ZSWIM6: variants seen among roughly 807,000 people sequenced by gnomAD.
ZSWIM6 encodes zinc finger SWIM domain-containing protein 6.
ZSWIM6 carries 9 observed loss-of-function variants against 113.2 expected under a neutral mutation model. The observed-to-expected ratio is 0.08, with a 90% confidence interval of 0.05 to 0.14. The LOEUF (loss-of-function observed/expected upper bound fraction) is 0.14. Among genes scored for constraint, ZSWIM6 ranks in the 10% least tolerant of loss-of-function variants. ZSWIM6 has a pLI of 1.00. For missense variants in ZSWIM6, 1,162 were observed against 1,552.2 expected, an observed-to-expected ratio of 0.75 and a Z score of 4.22; for synonymous variants, 611 against 606.5, an observed-to-expected ratio of 1.01 and a Z score of -0.11.
chr5:61,372,563 A>G (rs1745288171), intron 1 of ZSWIM6, among the ~76,000 whole-genome samples: 2 of 152,126 alleles, frequency 1.3e-5, no homozygotes, highest in African/African-American at 4.8e-5. Flanking sequence ...TGGTAACTCC[A>G]GTCTTAGTTA....
rs1414237547 is a variant in ZSWIM6 at position 61,544,456 on chromosome 5, G to A, written c.*139G>A. ...TGTGTATAGTTATATTGCGTTTGCA[G>A]ACTAAATTGTCATGTTGTGAAAGTT... On this transcript the variant is annotated 3_prime_UTR_variant, in exon 14 of 14. Coordinates refer to ENST00000252744, the MANE Select transcript of ZSWIM6 (RefSeq NM_020928.2). The A allele has an allele frequency of 2.3e-6, 1 of 442,968 alleles. No individual in the cohort carries two copies. Among genetic ancestry groups the A allele is most frequent in the South Asian group, 7.6e-5 (1 of 13,178 alleles). The allele number at this position is 442,968 out of a possible 1,614,324, so 27.4% of individuals were successfully genotyped here.
rs1747605011 is a variant in ZSWIM6 at position 61,472,765 on chromosome 5, G to A, written c.761G>A (p.Arg254His). ...TVCNVAISFD[R>H]CKITSVTCSC... ...TGCAACGTGGCCATCAGCTTTGATC[G>A]TTGCAAGATTACCTCAGTGACCTGC... Residue 254 changes from arginine (R) to histidine (H), a missense_variant, in exon 2 of 14, where the codon CGT (arginine) becomes CAT (histidine). Physicochemically the swap from Arg to His is conservative, Grantham distance 29. Transcript: ENST00000252744. This position sits in a 1 kb window ranked among gnomAD's most constrained non-coding sequence, Gnocchi z 4.1. 6.4e-7 allele frequency: 1 copy of A among 1,551,500 alleles called. No individual in the cohort carries two copies.
At chr5:61,394,294 G>T (rs1745793267) in intron 1 of ZSWIM6, among the ~76,000 whole-genome samples, 1 of 152,214 alleles carries the variant, frequency 6.6e-6, no homozygotes, top group African/African-American at 2.4e-5. Flanking sequence ...TCCTTTTTGG[G>T]AGAGTGTGCC....
chr5:61,502,395 T>C (rs1284226108), intron 4 of ZSWIM6, among the ~76,000 whole-genome samples: 2 of 152,038 alleles, frequency 1.3e-5, no homozygotes, highest in Non-Finnish European at 2.9e-5. Context: ...AGGGGGGTGT[T>C]CAGACACTGC....
intron 1 of ZSWIM6, among the ~76,000 whole-genome samples, chr5:61,438,144 G>A (rs1746749561): frequency 6.6e-6 from 1 of 151,948 alleles, no homozygotes; most frequent in African/African-American, 2.4e-5. Context: ...CCCCCATTCA[G>A]TAGCTCATTC....
chr5:61,472,712 T>C lies in ZSWIM6; in HGVS notation c.708T>C (p.Pro236=). 1 of 1,545,826 alleles carries C rather than the reference T, an allele frequency of 6.5e-7. No individual in the cohort carries two copies. The highest frequency in any genetic ancestry group is 2.4e-5 in the East Asian group (1 of 40,840). The change falls in exon 2 of 14, where the codon CCT becomes CCC. Residue 236 remains proline, a synonymous_variant. Transcript: ENST00000252744. This position sits in a 1 kb window ranked among gnomAD's most constrained non-coding sequence, Gnocchi z 4.1. ...ACTTGAGCGGCACAGTGACAGAACCTGCAATACAATCGGAGCCAGAAACTG... is the reference window on the plus strand; with the variant it reads ...ACTTGAGCGGCACAGTGACAGAACCCGCAATACAATCGGAGCCAGAAACTG... ...GFHLSGTVTE[P]AIQSEPETVC... is the part of the protein sequence containing the mutation.
intron 4 of ZSWIM6, among the ~76,000 whole-genome samples, chr5:61,499,269 C>T (rs1315070909): frequency 6.6e-6 from 1 of 152,176 alleles, no homozygotes; most frequent in Non-Finnish European, 1.5e-5. Flanking sequence ...ACCTGTTTGT[C>T]TTCCCTGGGC....
chr5:61,454,644 C>T (rs962960251), intron 1 of ZSWIM6, among the ~76,000 whole-genome samples: 5 of 150,342 alleles, frequency 3.3e-5, no homozygotes, highest in East Asian at 2.0e-4. Context: ...TGCAGTGGCG[C>T]GATCTTGGCT....
At chr5:61,521,778 AC>A (rs1278133348) in intron 5 of ZSWIM6, among the ~76,000 whole-genome samples, 1 of 152,164 alleles carries the variant, frequency 6.6e-6, no homozygotes, top group Non-Finnish European at 1.5e-5. Flanking sequence ...TTAATATATT[AC>A]TTTTAAAACA....
At chr5:61,431,125 A>AT (rs1746571140) in intron 1 of ZSWIM6, among the ~76,000 whole-genome samples, 1 of 152,078 alleles carries the variant, frequency 6.6e-6, no homozygotes, top group African/African-American at 2.4e-5. Context: ...TAATCCCAGC[A>AT]CTTTGGGAGG....
rs111718428 is a variant in ZSWIM6, at chr5:61,395,968, A to G, written c.676+63020A>G. On this transcript the variant is annotated intron_variant, in intron 1 of 13. Transcript: ENST00000252744. ...ATTCTAAATCATTTATTAGATCAGT[A>G]TATTGCTTGGAAACTAAAAGATCTG... 1.4e-3 allele frequency among the ~76,000 whole-genome samples: 212 copies of G among 152,088 alleles called. 1 individual carries two copies. The highest frequency in any genetic ancestry group is 3.4e-3 in the Middle Eastern group (1 of 294).
chr5:61,333,089 T>G (rs1744301842), intron 1 of ZSWIM6, 141 bp downstream of exon 1: 1 of 944,410 alleles, frequency 1.1e-6, no homozygotes, highest in Non-Finnish European at 1.3e-6. Context: ...GCCCGGACGG[T>G]CCTCCTGAGC....
chr5:61,424,836 T>C (rs1746431574), intron 1 of ZSWIM6, among the ~76,000 whole-genome samples: 1 of 151,340 alleles, frequency 6.6e-6, no homozygotes, highest in Non-Finnish European at 1.5e-5. Flanking sequence ...CCAGCAATTC[T>C]CCTGCCTCAG....
At chr5:61,363,851 C>G (rs1336112506) in intron 1 of ZSWIM6, among the ~76,000 whole-genome samples, 1 of 148,122 alleles carries the variant, frequency 6.8e-6, no homozygotes, top group Admixed American at 6.7e-5. Context: ...CTTCCCTTTC[C>G]TTTTCCTTCC....
At position 61,539,585 on chromosome 5, in the gene ZSWIM6, G is replaced by A; in HGVS notation, c.2540-11G>A. The A allele has an allele frequency of 6.5e-7, 1 of 1,547,502 alleles. No individual in the cohort carries two copies. Among genetic ancestry groups the A allele is most frequent in the Non-Finnish European group, 8.7e-7 (1 of 1,144,846 alleles). On this transcript the variant is annotated splice_polypyrimidine_tract_variant and intron_variant, in intron 11 of 13. Coordinates refer to ENST00000252744, the MANE Select transcript of ZSWIM6 (RefSeq NM_020928.2). ...ATTTGGTTTGGTTTGGTTTTCCCTTGTTCATTGCAGGCGATGTTCGGAGGC... is the reference window on the plus strand; with the variant it reads ...ATTTGGTTTGGTTTGGTTTTCCCTTATTCATTGCAGGCGATGTTCGGAGGC...
At chr5:61,445,227 C>G (rs1746926044) in intron 1 of ZSWIM6, among the ~76,000 whole-genome samples, 1 of 152,054 alleles carries the variant, frequency 6.6e-6, no homozygotes, top group Non-Finnish European at 1.5e-5. Context: ...TTCTCTCTGT[C>G]ATTTAAAAAA....
At chr5:61,480,130 G>A (rs1747815922) in intron 2 of ZSWIM6, among the ~76,000 whole-genome samples, 1 of 151,868 alleles carries the variant, frequency 6.6e-6, no homozygotes, top group African/African-American at 2.4e-5. Flanking sequence ...GAAAAGCACT[G>A]TGTTTTTACT....
intron 4 of ZSWIM6, among the ~76,000 whole-genome samples, chr5:61,514,736 A>G (rs886479042): frequency 1.3e-5 from 2 of 151,852 alleles, no homozygotes; most frequent in Non-Finnish European, 2.9e-5. Flanking sequence ...GTTGTTGTGT[A>G]TTTTCCTTTT....
At chr5:61,423,914 T>A (rs1746407484) in intron 1 of ZSWIM6, among the ~76,000 whole-genome samples, 2 of 152,244 alleles carry the variant, frequency 1.3e-5, no homozygotes, top group Admixed American at 1.3e-4. Context: ...ACCTCCTCAA[T>A]GAACCTTTAG....
Sources: allele counts gnomAD v4.1 joint callset (sites outside exome capture counted in the v4.1 genomes callset), GRCh38; gene constraint gnomAD v4.1.1; non-coding constraint Gnocchi (gnomAD v3.1); transcripts MANE v1.5; gene names NCBI Gene and HGNC (gene_info 2026-07-23, HGNC 2026-07-21).